Variants in ZNF320 observed in about 807,000 individuals in gnomAD.
The protein encoded by ZNF320 is zinc finger gene 320.
ZNF320 carries 2 observed loss-of-function variants against 6.8 expected under a neutral mutation model. That is an observed-to-expected ratio of 0.29 (90% CI 0.12 to 0.93). ZNF320 has a LOEUF of 0.93. Among genes scored for constraint, ZNF320 ranks in the 40% least tolerant of loss-of-function variants. The pLI is 0.55. For synonymous variants in ZNF320, 208 were observed against 203.2 expected, an observed-to-expected ratio of 1.02 and a Z score of -0.20; for missense variants, 472 against 611.0, an observed-to-expected ratio of 0.77 and a Z score of 2.40.
chr19:52,879,161 T>G lies in ZNF320; in HGVS notation c.*1435A>C, dbSNP rs1454291244. On this transcript the variant is annotated 3_prime_UTR_variant, in exon 6 of 6. Coordinates refer to ENST00000682928, the MANE Select transcript of ZNF320 (RefSeq NM_001351774.2). Reference sequence around the variant, plus strand: ...TCTTGGTGCAAAAAATGTGATATCATGCACAATTTTCTCATAATATGTATT... The same window carrying G: ...TCTTGGTGCAAAAAATGTGATATCAGGCACAATTTTCTCATAATATGTATT... The G allele has an allele frequency of 6.6e-6, 1 of 152,288 alleles. No individual in the cohort carries two copies. Among genetic ancestry groups the G allele is most frequent in the Non-Finnish European group, 1.5e-5 (1 of 68,088 alleles). The allele number at this position is 152,288 out of a possible 1,614,324, so 9.4% of individuals were successfully genotyped here.
In ZNF320 at chr19:52,867,955, G is replaced by T. The variant is rs531109867; in HGVS notation, c.224-3796C>A. On this transcript the variant is annotated intron_variant, in intron 5 of 5. Coordinates refer to the ZNF320 transcript ENST00000673631. The stretch of plus-strand genomic sequence containing the variant: ...ATTCAAGGATTCAGCATGTTGGACT[G>T]ACTGGTCTCAAACTCCTCACCTCAA... Among the ~76,000 whole-genome samples the T allele has an allele frequency of 2.4e-4, 36 of 152,128 alleles. No homozygotes were observed. In the Middle Eastern group the frequency reaches 0.014, roughly 57 times the overall value.
intron 5 of ZNF320, chr19:52,865,284 T>C (rs1209882577): frequency 8.8e-6 from 2 of 226,406 alleles, no homozygotes; most frequent in Admixed American, 5.1e-5. Flanking sequence ...ATCGTGCTAC[T>C]GGACTCCAGA....
At chr19:52,863,120 T>C (rs2147760307) in exon 6 of ZNF320, among the ~76,000 whole-genome samples, 1 of 152,270 alleles carries the variant, frequency 6.6e-6, no homozygotes, top group Admixed American at 6.5e-5. Flanking sequence ...CCACCATGCC[T>C]GGCTAAGTTT....
upstream of ZNF320, among the ~76,000 whole-genome samples, chr19:52,901,078 T>C (rs1385966089): frequency 2.0e-5 from 3 of 152,198 alleles, no homozygotes; most frequent in African/African-American, 7.2e-5. Context: ...AGAAAAAGAC[T>C]AGTCTTTAAT....
At chr19:52,903,000 A>G in the ZNF320 span, among the ~76,000 whole-genome samples, 1 of 152,186 alleles carries the variant, frequency 6.6e-6, no homozygotes, top group Non-Finnish European at 1.5e-5. Context: ...TAACTTTTTA[A>G]TATAGGTAAA....
At chr19:52,867,105 A>G (rs559276148) in intron 5 of ZNF320, among the ~76,000 whole-genome samples, 1 of 152,270 alleles carries the variant, frequency 6.6e-6, no homozygotes, top group East Asian at 1.9e-4. Flanking sequence ...TAATAAAAAC[A>G]TAAAAAAAGA....
upstream of ZNF320, among the ~76,000 whole-genome samples, chr19:52,902,470 G>T (rs1568738305): frequency 1.3e-5 from 2 of 152,194 alleles, no homozygotes; most frequent in Non-Finnish European, 2.9e-5. Flanking sequence ...TGTGCAGATG[G>T]AATATTTGAT....
chr19:52,884,086 A>G (rs2064003288), intron 5 of ZNF320, among the ~76,000 whole-genome samples: 2 of 152,142 alleles, frequency 1.3e-5, no homozygotes, highest in South Asian at 4.1e-4. Context: ...TCTTTCTACC[A>G]TATTGGGACA....
downstream of ZNF320, among the ~76,000 whole-genome samples, chr19:52,860,668 C>T (rs1568689377): frequency 6.6e-6 from 1 of 151,318 alleles, no homozygotes; most frequent in Non-Finnish European, 1.5e-5. Context: ...GAAAGCATGA[C>T]TGTAATTATT....
downstream of ZNF320, among the ~76,000 whole-genome samples, chr19:52,875,159 A>G (rs1040516610): frequency 2.6e-5 from 4 of 152,156 alleles, no homozygotes; most frequent in African/African-American, 9.7e-5. Context: ...CATACTTAAA[A>G]TACATGCTGT....
At chr19:52,893,081 ATTC>A (rs1462872522) in intron 2 of ZNF320, among the ~76,000 whole-genome samples, 2 of 148,482 alleles carry the variant, frequency 1.3e-5, no homozygotes, top group African/African-American at 2.5e-5. Flanking sequence ...GGCCTTTCTC[ATTC>A]TTCTTTTCTC....
chr19:52,885,974 A>G (rs1304728879), intron 5 of ZNF320, among the ~76,000 whole-genome samples: 1 of 152,168 alleles, frequency 6.6e-6, no homozygotes, highest in African/African-American at 2.4e-5. Context: ...CCTTTTCTTC[A>G]TAACTAAACT....
chr19:52,867,070 A>C (rs1158833968), intron 5 of ZNF320, among the ~76,000 whole-genome samples: 1 of 152,130 alleles, frequency 6.6e-6, no homozygotes, highest in Non-Finnish European at 1.5e-5. Flanking sequence ...GGGATCAGAG[A>C]AAACATAGTA....
Position 52,881,558 on chromosome 19 carries a change from T to C in ZNF320, c.568A>G (p.Lys190Glu). 1 of 1,614,126 alleles carries C rather than the reference T, an allele frequency of 6.2e-7. No individual in the cohort carries two copies. The highest frequency in any genetic ancestry group is 8.5e-7 in the Non-Finnish European group (1 of 1,180,012). Residue 190 changes from lysine to glutamate, a missense_variant, in exon 6 of 6, where the codon AAA becomes GAA. Physicochemically the swap from Lys to Glu is moderately conservative, Grantham distance 56 (BLOSUM62 1). Around this residue, in one of 2 missense-constraint regions of ZNF320, gnomAD observed 462 missense variants for 559.7 expected, o/e 0.83. Coordinates refer to ENST00000682928, the MANE Select transcript of ZNF320 (RefSeq NM_001351774.2). ...AAAGCCTTGTCGCAAACCTTACATT[T>C]GTATGGTTTCTCTCCAGTATGAATT... The part of the protein sequence containing the change: ...RIIHTGEKPY[K>E]CKVCDKAFKH...
At chr19:52,898,152 A>G (rs1054732387), upstream of ZNF320, among the ~76,000 whole-genome samples, 1 of 152,284 alleles carries the variant, frequency 6.6e-6, no homozygotes, top group South Asian at 2.1e-4. Flanking sequence ...GAAACCTCCA[A>G]TTTCCTGCTG....
rs181303436 is a variant in ZNF320, at chr19:52,880,521, G to C, written c.*75C>G. The C allele has an allele frequency of 1.4e-6, 2 of 1,429,626 alleles. No individual in the cohort carries two copies. The highest frequency in any genetic ancestry group is 1.9e-6 in the Non-Finnish European group (2 of 1,045,532). 88.6% of individuals were successfully genotyped at this position (1,429,626 alleles called of 1,614,324 possible). ...TGGCCCAATCCTCTTAACATAAACA[G>C]TTTAATGTCGATTAATGCTTGAAAT... On this transcript the variant is annotated 3_prime_UTR_variant, in exon 6 of 6. Coordinates refer to ENST00000682928, the MANE Select transcript of ZNF320 (RefSeq NM_001351774.2).
chr19:52,863,104 T>C (rs1433478016), exon 6 of ZNF320, among the ~76,000 whole-genome samples: 2 of 152,080 alleles, frequency 1.3e-5, no homozygotes, highest in Non-Finnish European at 2.9e-5. Context: ...GGACTGCAGG[T>C]GCACACCACC....
intron 5 of ZNF320, among the ~76,000 whole-genome samples, chr19:52,885,218 A>C (rs12461584): frequency 0.16 from 23,938 of 151,898 alleles, 1,987 homozygotes; most frequent in East Asian, 0.27. Context: ...AAAATAAATA[A>C]ATGACAGAAG....
chr19:52,890,520 A>C (rs1418787719), intron 3 of ZNF320, 192 bp from the exon 4 acceptor site: 1 of 487,234 alleles, frequency 2.1e-6, no homozygotes, highest in African/African-American at 1.9e-5. Flanking sequence ...ACGCTGCAGC[A>C]GTGGGGAGCT....
Sources: gnomAD v4.1 joint callset for allele counts (sites outside exome capture counted in the v4.1 genomes callset) on GRCh38, gnomAD v4.1.1 for gene constraint, gnomAD v4.1.1 regional missense constraint, MANE v1.5 for transcripts, NCBI Gene and HGNC (gene_info 2026-07-23, HGNC 2026-07-21) for gene names.